The following MGAM2 variants were observed in gnomAD, a reference collection of about 807,000 sequenced individuals.
The protein encoded by MGAM2 is probable maltase-glucoamylase 2.
Under a neutral mutation model 96.1 loss-of-function variants are expected in MGAM2, and 98 were observed. That is an observed-to-expected ratio of 1.02 (90% confidence interval 0.87 to 1.21). The LOEUF is 1.21. Among genes scored for constraint, MGAM2 ranks in the 50% most tolerant of loss-of-function variants. MGAM2 has a pLI of 0.00. For synonymous variants in MGAM2, 749 were observed against 414.8 expected (o/e 1.81, Z -9.79); for missense variants, 2,055 against 1,182.4 (o/e 1.74, Z -10.82).
At chr7:142,136,193 C>G (rs1330844367) in intron 7 of MGAM2, among the ~76,000 whole-genome samples, 4 of 152,034 alleles carry the variant, frequency 2.6e-5, no homozygotes, top group African/African-American at 4.8e-5. Flanking sequence ...ACTTTCTGTC[C>G]CTATAGATTT....
At chr7:142,129,749 C>T (rs1197762644) in intron 3 of MGAM2, among the ~76,000 whole-genome samples, 1 of 133,526 alleles carries the variant, frequency 7.5e-6, no homozygotes, top group South Asian at 2.4e-4. Context: ...AACTTGAACC[C>T]AGGAGGCAGA....
intron 25 of MGAM2, among the ~76,000 whole-genome samples, 199 bp downstream of exon 25, chr7:142,166,452 C>T (rs1402691505): frequency 6.6e-6 from 1 of 152,198 alleles, no homozygotes; most frequent in African/African-American, 2.4e-5. Flanking sequence ...ATTGCCACTC[C>T]AACCATATCA....
At chr7:142,131,494 C>G (rs1165841444) in intron 4 of MGAM2, 24 bp from the exon 5 acceptor site, 2 of 696,610 alleles carry the variant, frequency 2.9e-6, no homozygotes, top group African/African-American at 1.8e-5. Flanking sequence ...CCTTTTCTCT[C>G]TCTCCATATC....
At chr7:142,215,229 C>T (rs1241049264) in intron 46 of MGAM2, among the ~76,000 whole-genome samples, 1 of 152,148 alleles carries the variant, frequency 6.6e-6, no homozygotes, top group African/African-American at 2.4e-5. Context: ...CATGTTGTCA[C>T]TCATATGTGG....
chr7:142,120,257 G>T, intron 2 of MGAM2, 45 bp from the exon 3 acceptor site: 1 of 700,174 alleles, frequency 1.4e-6, no homozygotes, highest in South Asian at 1.5e-5. Flanking sequence ...CTGGAGCTGT[G>T]ATTACACTAC....
At chr7:142,147,699 C>T (rs2129082708) in intron 15 of MGAM2, 126 bp downstream of exon 15, 2 of 563,752 alleles carry the variant, frequency 3.5e-6, no homozygotes, top group East Asian at 5.8e-5. Context: ...AATAGAAAAA[C>T]TGTTCTTACA....
At chr7:142,125,906 G>A (rs143364850) in intron 3 of MGAM2, among the ~76,000 whole-genome samples, 11 of 152,116 alleles carry the variant, frequency 7.2e-5, no homozygotes, top group South Asian at 2.1e-4. Context: ...AAGTATTAAT[G>A]TTTCCTGTCT....
At chr7:142,129,389 G>T (rs1432209250) in intron 3 of MGAM2, among the ~76,000 whole-genome samples, 3 of 152,120 alleles carry the variant, frequency 2.0e-5, no homozygotes, top group African/African-American at 7.2e-5. Context: ...CTATTGGAAG[G>T]GCATGATTAT....
At chr7:142,128,951 T>C (rs1794803530) in intron 3 of MGAM2, among the ~76,000 whole-genome samples, 1 of 152,200 alleles carries the variant, frequency 6.6e-6, no homozygotes, top group African/African-American at 2.4e-5. Flanking sequence ...GATCCACTGA[T>C]GGCTTGCACT....
intron 12 of MGAM2, among the ~76,000 whole-genome samples, 170 bp downstream of exon 12, chr7:142,141,289 C>T (rs915706386): frequency 5.9e-5 from 9 of 151,718 alleles, no homozygotes; most frequent in Admixed American, 2.0e-4. Context: ...TGATTAAAAA[C>T]CTGAAGAATT....
chr7:142,215,033 A>G (rs1797712187), intron 46 of MGAM2, among the ~76,000 whole-genome samples: 1 of 152,240 alleles, frequency 6.6e-6, no homozygotes, highest in Non-Finnish European at 1.5e-5. Context: ...TCACAATAGC[A>G]AAGACTTAGA....
At chr7:142,166,429 T>C (rs776985588) in intron 25 of MGAM2, among the ~76,000 whole-genome samples, 176 bp downstream of exon 25, 1 of 152,116 alleles carries the variant, frequency 6.6e-6, no homozygotes, top group Non-Finnish European at 1.5e-5. Context: ...AGAAGAAACT[T>C]ATTGCCATTC....
intron 20 of MGAM2, among the ~76,000 whole-genome samples, 190 bp downstream of exon 20, chr7:142,159,533 A>G (rs1795829458): frequency 6.6e-6 from 1 of 152,154 alleles, no homozygotes; most frequent in Non-Finnish European, 1.5e-5. Context: ...ACACTGGGTA[A>G]TTTATAAACA....
intron 21 of MGAM2, among the ~76,000 whole-genome samples, chr7:142,160,814 G>A (rs997493699): frequency 2.6e-5 from 4 of 152,062 alleles, no homozygotes; most frequent in Non-Finnish European, 5.9e-5. Context: ...AAATGATAAT[G>A]TGTGCGGGAC....
intron 32 of MGAM2, among the ~76,000 whole-genome samples, chr7:142,178,768 T>C (rs368277825): frequency 6.0e-4 from 92 of 152,324 alleles, no homozygotes; most frequent in African/African-American, 2.2e-3. Context: ...TTTGGTTCCA[T>C]GTGAATTTTA....
intron 18 of MGAM2, 73 bp from the exon 19 acceptor site, chr7:142,158,175 T>A: frequency 1.4e-6 from 1 of 700,530 alleles, no homozygotes; most frequent in Non-Finnish European, 2.6e-6. Context: ...AGTTAGGATC[T>A]TGTTGTTACA....
intron 6 of MGAM2, among the ~76,000 whole-genome samples, chr7:142,132,803 A>G (rs1794937338): frequency 7.9e-6 from 1 of 126,900 alleles, no homozygotes; most frequent in African/African-American, 3.1e-5. Flanking sequence ...TCATATAATT[A>G]TGTATAATAT....
At chr7:142,210,043 G>A (rs1025569895) in intron 46 of MGAM2, among the ~76,000 whole-genome samples, 8 of 152,180 alleles carry the variant, frequency 5.3e-5, no homozygotes, top group Non-Finnish European at 1.2e-4. Context: ...TAGACAGTGG[G>A]TGAAGTCCAC....
chr7:142,158,079 C>G lies in MGAM2; in HGVS notation c.2066C>G (p.Pro689Arg), dbSNP rs1795789238. ...AHTRGETVARPLVHEFYQDSA... is the reference protein window; with the variant it reads ...AHTRGETVARRLVHEFYQDSA... ...ACCCGGGGAGAGACGGTAGCAAGGC[C>G]CCTTGTACATGAGTGAGTTTCCTGA... The change falls in exon 18 of 48, where the codon CCC becomes CGC. Residue 689 changes from proline (P) to arginine (R), a missense_variant. By Grantham distance (103) the Pro-to-Arg change is moderately radical (BLOSUM62 -2). Transcript: ENST00000477922. 1 of 702,448 alleles carries G rather than the reference C, an allele frequency of 1.4e-6. No homozygotes were observed. Among genetic ancestry groups the G allele is most frequent in the African/African-American group, 1.7e-5 (1 of 57,190 alleles). The allele number at this position is 702,448 out of a possible 1,614,324, so 43.5% of individuals were successfully genotyped here.
Sources: allele counts gnomAD v4.1 joint callset (sites outside exome capture counted in the v4.1 genomes callset), GRCh38; gene constraint gnomAD v4.1.1; transcripts MANE v1.5; gene names NCBI Gene and HGNC (gene_info 2026-07-23, HGNC 2026-07-21).